The following BCAS3 variants were observed in gnomAD, a reference collection of about 807,000 sequenced individuals.
The protein encoded by BCAS3 is BCAS3 microtubule associated cell migration factor, also known as BCAS4/BCAS3 fusion.
In BCAS3, 53 loss-of-function variants were observed where a neutral mutation model predicts 116.1. That is an observed-to-expected ratio of 0.46 (90% CI 0.37 to 0.57). BCAS3 has a LOEUF of 0.57. Ranked by LOEUF, BCAS3 falls within the 20% of genes least tolerant of loss-of-function variation. The pLI is 0.00. For missense variants in BCAS3, 917 were observed against 1,165.4 expected (o/e 0.79, Z 3.10); for synonymous variants, 391 against 408.2 (o/e 0.96, Z 0.51).
At chr17:60,727,542 C>T (rs939164625) in intron 5 of BCAS3, 23 of 1,243,652 alleles carry the variant, frequency 1.8e-5, no homozygotes, top group South Asian at 1.6e-4. Flanking sequence ...CTGAGACTCT[C>T]GCCTCGCAAA....
rs574043749 is a variant in BCAS3, at chr17:61,306,717, GGTGAGCTGT to G, written c.2426-61590_2426-61582del. On this transcript the variant is annotated intron_variant, in intron 22 of 23. Transcript: ENST00000407086. Reference sequence around the variant, plus strand: ...CTTGAGCCCAGGAGCTCAAGGCTGCGGTGAGCTGTGTGAGCTGTGTGAGCTGTGATTGCA... The same window carrying G: ...CTTGAGCCCAGGAGCTCAAGGCTGCGGTGAGCTGTGTGAGCTGTGATTGCA... Among the ~76,000 whole-genome samples the G allele has an allele frequency of 2.0e-4, 31 of 152,240 alleles. No homozygotes were observed. The East Asian group carries it at 4.6e-3, about 23-fold the overall frequency.
intron 6 of BCAS3, among the ~76,000 whole-genome samples, chr17:60,792,233 C>T (rs373539014): frequency 3.3e-5 from 5 of 152,340 alleles, no homozygotes; most frequent in African/African-American, 9.6e-5. Flanking sequence ...GCTGCATGCT[C>T]CACGGAGCCG....
chr17:60,859,793 T>A (rs2054004908), intron 7 of BCAS3, among the ~76,000 whole-genome samples: 1 of 152,122 alleles, frequency 6.6e-6, no homozygotes, highest in African/African-American at 2.4e-5. Context: ...GGTCTCAAAC[T>A]CCTGACCTCA....
At chr17:60,862,713 A>G (rs1488075854) in intron 7 of BCAS3, among the ~76,000 whole-genome samples, 1 of 152,178 alleles carries the variant, frequency 6.6e-6, no homozygotes, top group African/African-American at 2.4e-5. Context: ...GTGTAGTGGT[A>G]TGATCAGAAC....
intron 7 of BCAS3, among the ~76,000 whole-genome samples, chr17:60,856,072 A>T (rs540634708): frequency 1.6e-3 from 240 of 152,290 alleles, no homozygotes; most frequent in African/African-American, 5.3e-3. Context: ...AAAGAAGGCC[A>T]TCAAGAAGGC....
rs1029859490 is a variant in BCAS3 at position 61,251,785 on chromosome 17, C to T, written c.2426-116542C>T. 6.6e-6 allele frequency among the ~76,000 whole-genome samples: 1 copy of T among 152,160 alleles called. No homozygotes were observed. The highest frequency in any genetic ancestry group is 2.4e-5 in the African/African-American group (1 of 41,440). On this transcript the variant is annotated intron_variant, in intron 22 of 23. Coordinates refer to ENST00000407086, the MANE Select transcript of BCAS3 (RefSeq NM_017679.5). This position sits in a 1 kb window ranked among gnomAD's most constrained non-coding sequence, Gnocchi z 4.7. The stretch of plus-strand genomic sequence containing the variant: ...CTAGACTGCTAGGTTCCCAGCTATA[C>T]TGGATTATTAGACAAAGCTACCCAC...
rs1159514590 is a variant in BCAS3 at position 61,131,205 on chromosome 17, T to G, written c.2425+46641T>G. Reference sequence around the variant, plus strand: ...AAAATGAAAAAAAATACTATGTGTTTGTAATTTTATGATTATAATTCCATT... The same window carrying G: ...AAAATGAAAAAAAATACTATGTGTTGGTAATTTTATGATTATAATTCCATT... On this transcript the variant is annotated intron_variant, in intron 22 of 23. Transcript: ENST00000407086. This position sits in a 1 kb window ranked among gnomAD's most constrained non-coding sequence, Gnocchi z 4.4. Among the ~76,000 whole-genome samples, 1 of 152,234 alleles carries G rather than the reference T, an allele frequency of 6.6e-6. No homozygotes were observed. Among genetic ancestry groups the G allele is most frequent in the African/African-American group, 2.4e-5 (1 of 41,456 alleles).
intron 22 of BCAS3, among the ~76,000 whole-genome samples, chr17:61,092,465 G>C (rs2073655694): frequency 6.6e-6 from 1 of 152,160 alleles, no homozygotes; most frequent in African/African-American, 2.4e-5. Flanking sequence ...TTTCCAAAAT[G>C]ACTGTACCAT....
intron 12 of BCAS3, among the ~76,000 whole-genome samples, chr17:60,920,380 T>A (rs971769795): frequency 6.6e-6 from 1 of 152,190 alleles, no homozygotes; most frequent in African/African-American, 2.4e-5. Flanking sequence ...CCAGCATCTG[T>A]AAGGAACTTA....
At chr17:61,293,824 G>A (rs1036581242) in intron 22 of BCAS3, among the ~76,000 whole-genome samples, 1 of 152,190 alleles carries the variant, frequency 6.6e-6, no homozygotes. Flanking sequence ...GCAGTGGCAC[G>A]ATCTCAGCTC....
chr17:60,795,586 G>A (rs371895081), intron 6 of BCAS3, among the ~76,000 whole-genome samples: 102 of 152,148 alleles, frequency 6.7e-4, no homozygotes, highest in African/African-American at 1.8e-3. Context: ...ATTAAGGCAT[G>A]TCCCTTGTAT....
intron 6 of BCAS3, among the ~76,000 whole-genome samples, chr17:60,788,275 G>A (rs2046458112): frequency 6.6e-6 from 1 of 152,104 alleles, no homozygotes; most frequent in South Asian, 2.1e-4. Context: ...TTCATACATG[G>A]CATTTAGTAC....
At chr17:60,948,415 C>T (rs549261394) in intron 14 of BCAS3, among the ~76,000 whole-genome samples, 79 of 152,230 alleles carry the variant, frequency 5.2e-4, no homozygotes, top group African/African-American at 1.8e-3. Context: ...TGAGCCACCG[C>T]GCCTGGCCCA....
At chr17:60,851,278 C>G (rs142789770) in intron 7 of BCAS3, 1 of 289,752 alleles carries the variant, frequency 3.5e-6, no homozygotes, top group Non-Finnish European at 7.0e-6. Flanking sequence ...CTCAGCAGCT[C>G]GGGCTGCAGG....
At chr17:61,210,084 G>C (rs2144327384) in intron 22 of BCAS3, among the ~76,000 whole-genome samples, 1 of 152,298 alleles carries the variant, frequency 6.6e-6, no homozygotes, top group Non-Finnish European at 1.5e-5. Flanking sequence ...GCTTTAATTA[G>C]ACACGAAGTT....
chr17:60,810,411 G>T (rs2048696410), intron 7 of BCAS3: 1 of 514,616 alleles, frequency 1.9e-6, no homozygotes, highest in South Asian at 1.6e-5. Flanking sequence ...ATGAGAAAGA[G>T]ACCATGCAAA....
rs2065245312 is a variant in BCAS3, at chr17:61,013,564, G to A, written c.1487-2187G>A. Among the ~76,000 whole-genome samples, 1 of 152,000 alleles carries A rather than the reference G, an allele frequency of 6.6e-6. No individual in the cohort carries two copies. Among genetic ancestry groups the A allele is most frequent in the Middle Eastern group, 3.4e-3 (1 of 292 alleles). ...TTTCCCTCTTCATATTTTCTACAAG[G>A]TTCTGTGTTGTGGCCTAAATCATCT... On this transcript the variant is annotated intron_variant, in intron 15 of 23. Coordinates refer to ENST00000407086, the MANE Select transcript of BCAS3 (RefSeq NM_017679.5). The surrounding 1 kb of genome is among the most constrained non-coding windows in gnomAD (Gnocchi z 4.4).
At position 61,368,746 on chromosome 17, in the gene BCAS3, T is replaced by G. The variant is rs1243360869; in HGVS notation, c.2593+252T>G. ...GCCATGATCAACACCACTGTGCAAG[T>G]GGCTCCCAGAAGGACACTTTCCTCC... On this transcript the variant is annotated intron_variant, in intron 23 of 23. Coordinates refer to ENST00000407086, the MANE Select transcript of BCAS3 (RefSeq NM_017679.5). The surrounding 1 kb of genome is among the most constrained non-coding windows in gnomAD (Gnocchi z 6.0). Among the ~76,000 whole-genome samples, 1 of 152,228 alleles carries G rather than the reference T, an allele frequency of 6.6e-6. No homozygotes were observed. The highest frequency in any genetic ancestry group is 6.5e-5 in the Admixed American group (1 of 15,288).
intron 5 of BCAS3, among the ~76,000 whole-genome samples, chr17:60,742,831 C>T (rs570309101): frequency 4.6e-5 from 7 of 151,660 alleles, no homozygotes; most frequent in South Asian, 2.1e-4. Flanking sequence ...GTAATATTTT[C>T]GGCCAGGCAC....
Sources: gnomAD v4.1 joint callset for allele counts (sites outside exome capture counted in the v4.1 genomes callset) on GRCh38, gnomAD v4.1.1 for gene constraint, Gnocchi (gnomAD v3.1) non-coding constraint, MANE v1.5 for transcripts, NCBI Gene and HGNC (gene_info 2026-07-23, HGNC 2026-07-21) for gene names.